SPRED2: variants seen among roughly 807,000 people sequenced by gnomAD.
SPRED2 encodes the protein sprouty related EVH1 domain containing 2, also known as sprouty-related, EVH1 domain-containing protein 2.
SPRED2 carries 47 observed loss-of-function variants against 43.0 expected under a neutral mutation model. The observed-to-expected ratio is 1.09, with a 90% CI of 0.87 to 1.40. SPRED2 has a LOEUF of 1.40. SPRED2 is among the 40% of genes most tolerant of loss of function. SPRED2 has a pLI of 0.00. For synonymous variants in SPRED2, 225 were observed against 225.7 expected, an observed-to-expected ratio of 1.00 and a Z score of 0.03; for missense variants, 561 against 586.4, an observed-to-expected ratio of 0.96 and a Z score of 0.45.
At chr2:65,423,757 G>C (rs1301794976) in intron 1 of SPRED2, among the ~76,000 whole-genome samples, 5 of 144,174 alleles carry the variant, frequency 3.5e-5, no homozygotes, top group Admixed American at 7.1e-5. Flanking sequence ...TTTTACCAAG[G>C]CTACCTCATT....
intron 2 of SPRED2, among the ~76,000 whole-genome samples, chr2:65,343,016 G>T (rs1241360128): frequency 6.6e-6 from 1 of 152,128 alleles, no homozygotes; most frequent in Non-Finnish European, 1.5e-5. Flanking sequence ...TTTGGGGTCA[G>T]AGTGACAAGA....
At chr2:65,337,685 A>T (rs769979599) in intron 2 of SPRED2, among the ~76,000 whole-genome samples, 14 of 152,228 alleles carry the variant, frequency 9.2e-5, no homozygotes, top group Non-Finnish European at 1.9e-4. Context: ...AAAATATGTC[A>T]TAGAGATACA....
At chr2:65,408,751 T>C (rs1211923658) in intron 1 of SPRED2, among the ~76,000 whole-genome samples, 2 of 152,166 alleles carry the variant, frequency 1.3e-5, no homozygotes, top group African/African-American at 4.8e-5. Context: ...CAGCTAATTT[T>C]TGTATTTTTA....
At chr2:65,334,539 T>C (rs995970251) in intron 3 of SPRED2, 66 bp downstream of exon 3, 13 of 1,571,562 alleles carry the variant, frequency 8.3e-6, no homozygotes, top group Middle Eastern at 1.7e-4. Context: ...TGGCAGACTA[T>C]TGGAATTAAA....
At position 65,375,884 on chromosome 2, in the gene SPRED2, T is replaced by C. The variant is rs147807212; in HGVS notation, c.27-30988A>G. On this transcript the variant is annotated intron_variant, in intron 1 of 5. Transcript: ENST00000356388. ...CCATGAGCCCCCGATGCTAAGAATG[T>C]GTGGAGTGTGAAGAGCAAGTCTTAA... Among the ~76,000 whole-genome samples the C allele has an allele frequency of 2.4e-4, 37 of 152,300 alleles. 1 individual carries two copies. The East Asian group carries it at 7.1e-3, about 29-fold the overall frequency.
chr2:65,355,195 C>T (rs1229085220), intron 1 of SPRED2, among the ~76,000 whole-genome samples: 1 of 152,160 alleles, frequency 6.6e-6, no homozygotes, highest in Non-Finnish European at 1.5e-5. Context: ...CCTCTTAAAT[C>T]CTTGGTGGGT....
At chr2:65,369,026 G>A (rs1460847773) in intron 1 of SPRED2, among the ~76,000 whole-genome samples, 1 of 152,108 alleles carries the variant, frequency 6.6e-6, no homozygotes, top group African/African-American at 2.4e-5. Flanking sequence ...AGTAAGCTAT[G>A]TTTGCACCAC....
At chr2:65,360,311 G>C (rs540667048) in intron 1 of SPRED2, among the ~76,000 whole-genome samples, 1 of 152,178 alleles carries the variant, frequency 6.6e-6, no homozygotes, top group Non-Finnish European at 1.5e-5. Context: ...CATTCTCCAG[G>C]AAAGTCACAG....
At chr2:65,337,129 T>C (rs1279471862) in intron 2 of SPRED2, among the ~76,000 whole-genome samples, 3 of 151,826 alleles carry the variant, frequency 2.0e-5, no homozygotes, top group Non-Finnish European at 4.4e-5. Flanking sequence ...AAAGTTTGAG[T>C]AAAATAAGTT....
intron 4 of SPRED2, among the ~76,000 whole-genome samples, chr2:65,330,002 A>G (rs1010230549): frequency 6.6e-6 from 1 of 152,202 alleles, no homozygotes; most frequent in African/African-American, 2.4e-5. Context: ...TGTGGCTCCC[A>G]GTTCTCAAAG....
At chr2:65,334,562 C>T in intron 3 of SPRED2, 43 bp downstream of exon 3, 6 of 1,593,842 alleles carry the variant, frequency 3.8e-6, no homozygotes, top group Non-Finnish European at 5.1e-6. Flanking sequence ...TAATTTGGAA[C>T]ATTTCCATAG....
chr2:65,388,888 A>G (rs554943052), intron 1 of SPRED2, among the ~76,000 whole-genome samples: 114 of 152,282 alleles, frequency 7.5e-4, no homozygotes, highest in Non-Finnish European at 1.3e-3. Context: ...TCCTTGGCTC[A>G]GGGGTAAATT....
chr2:65,386,191 A>G (rs529107883), intron 1 of SPRED2, among the ~76,000 whole-genome samples: 10 of 149,902 alleles, frequency 6.7e-5, no homozygotes, highest in African/African-American at 2.2e-4. Context: ...AGGCTGAGGC[A>G]GGAGAATCGC....
At chr2:65,363,516 G>A (rs1267390869) in intron 1 of SPRED2, among the ~76,000 whole-genome samples, 1 of 152,154 alleles carries the variant, frequency 6.6e-6, no homozygotes, top group Admixed American at 6.6e-5. Flanking sequence ...GCTATTTCTA[G>A]ATAATGATAT....
intron 1 of SPRED2, among the ~76,000 whole-genome samples, chr2:65,370,908 G>A (rs1675109457): frequency 6.6e-6 from 1 of 152,184 alleles, no homozygotes; most frequent in Admixed American, 6.5e-5. Context: ...GCATTATGTA[G>A]AAACCACACA....
intron 1 of SPRED2, among the ~76,000 whole-genome samples, chr2:65,419,631 A>G (rs1412733536): frequency 2.0e-5 from 3 of 151,318 alleles, no homozygotes; most frequent in Non-Finnish European, 2.9e-5. Context: ...ATTAACTGTG[A>G]GCCAAGAAAA....
chr2:65,362,272 T>TG (rs1674834373), intron 1 of SPRED2, among the ~76,000 whole-genome samples: 1 of 151,930 alleles, frequency 6.6e-6, no homozygotes, highest in Admixed American at 6.6e-5. Flanking sequence ...TGTTTTTTTT[T>TG]GTTTTTGTTT....
At chr2:65,431,331 G>GT (rs1473040361) in intron 1 of SPRED2, among the ~76,000 whole-genome samples, 1 of 151,356 alleles carries the variant, frequency 6.6e-6, no homozygotes, top group Non-Finnish European at 1.5e-5. Flanking sequence ...CCACAAGCGC[G>GT]TGCACAGGCA....
At chr2:65,420,496 T>C (rs1676398517) in intron 1 of SPRED2, among the ~76,000 whole-genome samples, 1 of 152,258 alleles carries the variant, frequency 6.6e-6, no homozygotes, top group Non-Finnish European at 1.5e-5. Flanking sequence ...ACCAGAATTA[T>C]CTGTAAAGAG....
Sources: allele counts gnomAD v4.1 joint callset (sites outside exome capture counted in the v4.1 genomes callset), GRCh38; gene constraint gnomAD v4.1.1; transcripts MANE v1.5; gene names NCBI Gene and HGNC (gene_info 2026-07-23, HGNC 2026-07-21).